ALK: variants seen among roughly 807,000 people sequenced by gnomAD.
ALK encodes ALK tyrosine kinase receptor.
A neutral mutation model predicts 163.1 loss-of-function variants in ALK; 74 were observed. The observed-to-expected ratio is 0.45, with a 90% CI of 0.38 to 0.55. The LOEUF (loss-of-function observed/expected upper bound fraction) is 0.55, where lower values mean the gene tolerates loss of function less well. Among genes scored for constraint, ALK ranks in the 20% least tolerant of loss-of-function variants. The pLI is 0.00. For missense variants in ALK, 2,063 were observed against 2,105.3 expected (o/e 0.98, Z 0.39); for synonymous variants, 960 against 843.2 (o/e 1.14, Z -2.40).
intron 26 of ALK, among the ~76,000 whole-genome samples, chr2:29,199,399 T>C (rs1295916474): frequency 1.3e-5 from 2 of 152,230 alleles, no homozygotes; most frequent in African/African-American, 4.8e-5. Context: ...AAATATTTGC[T>C]ATCTTCTTCT....
intron 4 of ALK, among the ~76,000 whole-genome samples, chr2:29,487,985 A>AT (rs1001422947): frequency 5.4e-4 from 80 of 149,062 alleles, no homozygotes; most frequent in African/African-American, 1.5e-3. Context: ...TTGGGTTGTT[A>AT]TTTTTTTTTT....
intron 1 of ALK, among the ~76,000 whole-genome samples, chr2:29,720,725 C>A (rs574030892): frequency 2.4e-4 from 36 of 152,312 alleles, no homozygotes; most frequent in African/African-American, 7.2e-4. Context: ...GGTCAAGACA[C>A]TGTCTGTTCC....
intron 5 of ALK, among the ~76,000 whole-genome samples, chr2:29,371,874 G>A (rs913801730): frequency 2.6e-5 from 4 of 152,100 alleles, no homozygotes; most frequent in African/African-American, 9.7e-5. Context: ...TGTCCACCCT[G>A]GAGTGATGCC....
chr2:29,484,520 T>C (rs184342794), intron 4 of ALK, among the ~76,000 whole-genome samples: 22 of 152,296 alleles, frequency 1.4e-4, no homozygotes, highest in African/African-American at 5.3e-4. Flanking sequence ...CCAGTTTTGT[T>C]TTTTTCTAGT....
At chr2:29,469,980 G>T (rs1471294133) in intron 4 of ALK, among the ~76,000 whole-genome samples, 2 of 152,064 alleles carry the variant, frequency 1.3e-5, no homozygotes, top group East Asian at 1.9e-4. Flanking sequence ...ATAGACTTTA[G>T]AATAATTATA....
chr2:29,909,158 C>A (rs1041073024), intron 1 of ALK, among the ~76,000 whole-genome samples: 2 of 152,202 alleles, frequency 1.3e-5, no homozygotes, highest in Admixed American at 6.5e-5. Context: ...ACTAGCACTG[C>A]ATGATCCTTC....
At chr2:29,526,640 C>CA (rs1672967190) in intron 4 of ALK, among the ~76,000 whole-genome samples, 1 of 152,190 alleles carries the variant, frequency 6.6e-6, no homozygotes, top group Non-Finnish European at 1.5e-5. Context: ...CACTTGAGGG[C>CA]ATCAGTTTCA....
At chr2:29,717,809 C>G in intron 1 of ALK, 112 bp from the exon 2 acceptor site, 1 of 1,453,064 alleles carries the variant, frequency 6.9e-7, no homozygotes, top group East Asian at 2.3e-5. Flanking sequence ...TGACATCCAT[C>G]GGGAAGATGA....
At chr2:29,202,414 A>G (rs1007292838) in intron 26 of ALK, among the ~76,000 whole-genome samples, 7 of 152,260 alleles carry the variant, frequency 4.6e-5, no homozygotes, top group African/African-American at 1.7e-4. Flanking sequence ...AAAAAGGAAC[A>G]GAGTTATCTA....
At chr2:29,895,963 A>C (rs6719327) in intron 1 of ALK, among the ~76,000 whole-genome samples, 102,942 of 151,540 alleles carry the variant, frequency 0.68, 35,707 homozygotes, top group Non-Finnish European at 0.76. Flanking sequence ...TGATGCCAGA[A>C]CATTCTGACA....
chr2:29,531,803 G>T, intron 4 of ALK, 112 bp downstream of exon 4: 1 of 1,140,036 alleles, frequency 8.8e-7, no homozygotes, highest in South Asian at 1.3e-5. Context: ...TGGACCTACC[G>T]ATTAAAGGAC....
Position 29,220,671 on chromosome 2 carries a change from CACAACA to C in ALK, c.3645+29_3645+34del, listed in dbSNP as rs759013037. 3.7e-6 allele frequency: 6 copies of C among 1,612,702 alleles called. No homozygotes were observed. In the African/African-American group the frequency reaches 8.0e-5, roughly 22 times the overall value. On this transcript the variant is annotated intron_variant, in intron 23 of 28. Transcript: ENST00000389048. ...CTTCCATCCTTGCTCCTGTCCTTGGCACAACAACTGCAGCAAAGACTGGTTCTCACT... is the reference window on the plus strand; with the variant it reads ...CTTCCATCCTTGCTCCTGTCCTTGGCACTGCAGCAAAGACTGGTTCTCACT...
chr2:29,885,334 T>C (rs1052283930), intron 1 of ALK, among the ~76,000 whole-genome samples: 1 of 152,040 alleles, frequency 6.6e-6, no homozygotes, highest in Admixed American at 6.6e-5. Context: ...TGATACTCTA[T>C]GGAAAGGATT....
chr2:29,492,852 T>C (rs949362184), intron 4 of ALK, among the ~76,000 whole-genome samples: 1 of 152,114 alleles, frequency 6.6e-6, no homozygotes, highest in African/African-American at 2.4e-5. Flanking sequence ...TTGGCAAAGA[T>C]CCTTGAACAA....
At chr2:29,407,569 T>G (rs1669615260) in intron 4 of ALK, among the ~76,000 whole-genome samples, 1 of 152,240 alleles carries the variant, frequency 6.6e-6, no homozygotes, top group Admixed American at 6.5e-5. Context: ...AACTGTTACC[T>G]TTTATGGTCT....
intron 5 of ALK, among the ~76,000 whole-genome samples, chr2:29,366,274 C>T (rs994112839): frequency 2.0e-5 from 3 of 152,156 alleles, no homozygotes; most frequent in Admixed American, 1.3e-4. Context: ...ATGAGAGGGG[C>T]CCTGCAGGAG....
At chr2:29,889,252 C>T (rs200370031) in intron 1 of ALK, among the ~76,000 whole-genome samples, 1 of 56,216 alleles carries the variant, frequency 1.8e-5, no homozygotes, top group Non-Finnish European at 4.4e-5. Context: ...AATATATATA[C>T]ACATATATAT....
In ALK at chr2:29,718,949, C is replaced by T. The variant is rs76099356; in HGVS notation, c.668-1252G>A. On this transcript the variant is annotated intron_variant, in intron 1 of 28. Coordinates refer to ENST00000389048, the MANE Select transcript of ALK (RefSeq NM_004304.5). ...TCTGCCTGCTCTGCAGTTTCTTCCA[C>T]ATTACCCCCTGTACCAGCTCTTGCA... 9.8e-3 allele frequency among the ~76,000 whole-genome samples: 1,492 copies of T among 152,328 alleles called. 10 individuals are homozygous for T. The highest frequency in any genetic ancestry group is 0.034 in the Middle Eastern group (10 of 294).
intron 4 of ALK, among the ~76,000 whole-genome samples, chr2:29,433,022 T>C (rs1206732345): frequency 6.6e-6 from 1 of 152,192 alleles, no homozygotes; most frequent in Non-Finnish European, 1.5e-5. Flanking sequence ...CCATCTATGA[T>C]TTCACACAAT....
Sources: allele counts gnomAD v4.1 joint callset (sites outside exome capture counted in the v4.1 genomes callset), GRCh38; gene constraint gnomAD v4.1.1; transcripts MANE v1.5; gene names NCBI Gene and HGNC (gene_info 2026-07-23, HGNC 2026-07-21).